EPHA6: variants seen among roughly 807,000 people sequenced by gnomAD.
The protein encoded by EPHA6 is EPH receptor A6, also known as ephrin type-A receptor 6.
A neutral mutation model predicts 112.0 loss-of-function variants in EPHA6; 50 were observed. The ratio of observed to expected loss-of-function variants is 0.45; its 90% CI spans 0.36 to 0.56. The LOEUF is 0.56. EPHA6 is among the 20% of genes least tolerant of loss of function. The probability of loss-of-function intolerance (pLI) is 0.00; values close to 1 mark genes in which losing one functional copy is unlikely to be tolerated. For missense variants in EPHA6, 1,280 were observed against 1,417.4 expected (o/e 0.90, Z 1.56); for synonymous variants, 529 against 490.7 (o/e 1.08, Z -1.03).
At chr3:97,526,940 AG>A (rs1395899054) in intron 10 of EPHA6, among the ~76,000 whole-genome samples, 8 of 152,128 alleles carry the variant, frequency 5.3e-5, no homozygotes, top group Admixed American at 5.2e-4. Flanking sequence ...GAGCTGAGAT[AG>A]GGCCCCTTCA....
intron 2 of EPHA6, among the ~76,000 whole-genome samples, chr3:96,964,060 G>A (rs115785728): frequency 0.014 from 2,113 of 151,976 alleles, 60 homozygotes; most frequent in African/African-American, 0.048. Context: ...TATATTATGG[G>A]TACATGAGAT....
intron 3 of EPHA6, among the ~76,000 whole-genome samples, chr3:97,162,201 C>G (rs1345092871): frequency 6.6e-6 from 1 of 152,168 alleles, no homozygotes; most frequent in Non-Finnish European, 1.5e-5. Context: ...CTCCATCTTT[C>G]AAGTTCTCAA....
At chr3:97,621,437 CT>C (rs1576105057) in intron 13 of EPHA6, among the ~76,000 whole-genome samples, 1 of 151,818 alleles carries the variant, frequency 6.6e-6, no homozygotes, top group East Asian at 1.9e-4. Context: ...TTTTGAATTT[CT>C]TTTTTAAAAA....
intron 5 of EPHA6, among the ~76,000 whole-genome samples, chr3:97,265,844 T>C (rs9839758): frequency 0.083 from 12,615 of 152,252 alleles, 1,720 homozygotes; most frequent in African/African-American, 0.28. Context: ...CCACTGCTGC[T>C]ATCGGGGTAG....
intron 2 of EPHA6, among the ~76,000 whole-genome samples, chr3:96,876,005 G>C (rs773347949): frequency 2.3e-4 from 35 of 150,870 alleles, no homozygotes; most frequent in Non-Finnish European, 3.0e-4. Flanking sequence ...GTTTTACTTA[G>C]AGTCATTAAA....
intron 14 of EPHA6, among the ~76,000 whole-genome samples, chr3:97,681,096 AAGAGG>A (rs2031826739): frequency 6.6e-6 from 1 of 152,148 alleles, no homozygotes; most frequent in Non-Finnish European, 1.5e-5. Context: ...GAATTTACAG[AAGAGG>A]AAATACAAAT....
At chr3:96,976,849 G>A (rs748469360) in intron 2 of EPHA6, among the ~76,000 whole-genome samples, 3 of 152,160 alleles carry the variant, frequency 2.0e-5, no homozygotes, top group Non-Finnish European at 4.4e-5. Flanking sequence ...CTACTTTTAG[G>A]AGCTTCACAG....
intron 2 of EPHA6, among the ~76,000 whole-genome samples, chr3:96,888,801 G>C (rs1404220965): frequency 6.6e-6 from 1 of 152,160 alleles, no homozygotes; most frequent in Non-Finnish European, 1.5e-5. Context: ...TCAGCTCCTT[G>C]TTACTTATGC....
At chr3:96,949,121 T>G (rs989538716) in intron 2 of EPHA6, among the ~76,000 whole-genome samples, 5 of 152,138 alleles carry the variant, frequency 3.3e-5, no homozygotes, top group African/African-American at 7.2e-5. Context: ...ATTGCTACAG[T>G]TTTACAAGTG....
chr3:97,101,517 T>C, intron 3 of EPHA6, among the ~76,000 whole-genome samples: 1 of 152,014 alleles, frequency 6.6e-6, no homozygotes, highest in East Asian at 1.9e-4. Flanking sequence ...AAAGGCCCAG[T>C]GTGTCTCCTC....
chr3:97,479,268 G>GT (rs374643571), intron 8 of EPHA6, 26 bp from the exon 9 acceptor site: 63,756 of 1,035,758 alleles, frequency 0.062, no homozygotes, highest in South Asian at 0.085. Flanking sequence ...CTTAAAACAA[G>GT]TTTTTTTTTT....
At chr3:96,891,517 C>G (rs1413863172) in intron 2 of EPHA6, among the ~76,000 whole-genome samples, 2 of 151,956 alleles carry the variant, frequency 1.3e-5, no homozygotes, top group South Asian at 2.1e-4. Flanking sequence ...TCGAGACCAG[C>G]CTTCAACATG....
chr3:96,915,126 T>C (rs533272593), intron 2 of EPHA6, among the ~76,000 whole-genome samples: 1 of 151,812 alleles, frequency 6.6e-6, no homozygotes, highest in Non-Finnish European at 1.5e-5. Flanking sequence ...GGTGATGAAA[T>C]AAGGATATGT....
chr3:97,133,733 G>C (rs767395199), intron 3 of EPHA6, among the ~76,000 whole-genome samples: 11 of 151,934 alleles, frequency 7.2e-5, no homozygotes, highest in Non-Finnish European at 1.2e-4. Context: ...AAATATTTGT[G>C]TTAATAATTG....
chr3:96,928,080 C>T (rs182014186), intron 2 of EPHA6, among the ~76,000 whole-genome samples: 11 of 152,266 alleles, frequency 7.2e-5, no homozygotes, highest in African/African-American at 2.6e-4. Context: ...GGGTGAACCA[C>T]CCCCATGACA....
At chr3:97,337,118 T>A (rs1465786705) in intron 5 of EPHA6, among the ~76,000 whole-genome samples, 1 of 152,158 alleles carries the variant, frequency 6.6e-6, no homozygotes, top group African/African-American at 2.4e-5. Flanking sequence ...GAGAGAACCA[T>A]ATCATGTATG....
At chr3:97,013,561 A>G (rs1055539622) in intron 3 of EPHA6, among the ~76,000 whole-genome samples, 15 of 152,144 alleles carry the variant, frequency 9.9e-5, no homozygotes, top group African/African-American at 3.6e-4. Context: ...CAATACATAA[A>G]TCCTTGGAAC....
rs2099591 is a variant in EPHA6, at chr3:97,646,361, A to T, written c.2784+8279A>T. 1.3e-5 allele frequency: 16 copies of T among 1,253,572 alleles called. No individual in the cohort carries two copies. The African/African-American group carries it at 2.1e-4, about 17-fold the overall frequency. The allele number at this position is 1,253,572 out of a possible 1,614,324, so 77.7% of individuals were successfully genotyped here. On this transcript the variant is annotated intron_variant, in intron 14 of 17. Coordinates refer to ENST00000389672, the MANE Select transcript of EPHA6 (RefSeq NM_001080448.3). The stretch of plus-strand genomic sequence containing the variant: ...AAATCCTATACATGTAATATATAAG[A>T]CAGTATTGTCCACATTTCAAAATAC...
intron 3 of EPHA6, among the ~76,000 whole-genome samples, chr3:97,064,056 G>A (rs1037697094): frequency 6.6e-6 from 1 of 152,162 alleles, no homozygotes; most frequent in African/African-American, 2.4e-5. Flanking sequence ...ATTCTGTGAT[G>A]TATGAGAGAA....
Sources: allele counts gnomAD v4.1 joint callset (sites outside exome capture counted in the v4.1 genomes callset), GRCh38; gene constraint gnomAD v4.1.1; transcripts MANE v1.5; gene names NCBI Gene and HGNC (gene_info 2026-07-23, HGNC 2026-07-21).